Variants in ALG9 observed in about 807,000 individuals in gnomAD.
ALG9 encodes ALG9 alpha-1,2-mannosyltransferase, also known as alpha-1,2-mannosyltransferase ALG9.
Under a neutral mutation model 81.8 loss-of-function variants are expected in ALG9, and 55 were observed. The observed-to-expected ratio is 0.67, with a 90% CI of 0.54 to 0.84. The LOEUF (loss-of-function observed/expected upper bound fraction) is 0.84, where lower values mean the gene tolerates loss of function less well. Among genes scored for constraint, ALG9 ranks in the 40% least tolerant of loss-of-function variants. The probability of loss-of-function intolerance (pLI) is 0.00; values close to 1 mark genes in which losing one functional copy is unlikely to be tolerated. For missense variants in ALG9, 629 were observed against 745.0 expected (o/e 0.84, Z 1.81); for synonymous variants, 278 against 274.3 (o/e 1.01, Z -0.13).
intron 5 of ALG9, among the ~76,000 whole-genome samples, chr11:111,858,421 G>T (rs1959056187): frequency 1.3e-5 from 2 of 152,178 alleles, no homozygotes; most frequent in Admixed American, 6.5e-5. Flanking sequence ...ATTTACTTCT[G>T]AAGAAGCTTA....
At chr11:111,818,208 GGAAGAAGCA>G (rs1951809999) in intron 13 of ALG9, among the ~76,000 whole-genome samples, 1 of 152,192 alleles carries the variant, frequency 6.6e-6, no homozygotes, top group Non-Finnish European at 1.5e-5. Context: ...TAATGAGGTG[GGAAGAAGCA>G]TGGGGTACTC....
At chr11:111,826,887 CTT>C (rs548067906) in intron 13 of ALG9, among the ~76,000 whole-genome samples, 462 of 152,176 alleles carry the variant, frequency 3.0e-3, no homozygotes, top group African/African-American at 0.011. Flanking sequence ...TTTTCTATCT[CTT>C]TGTTTTTGAT....
downstream of ALG9, among the ~76,000 whole-genome samples, chr11:111,780,879 C>CAT (rs542286562): frequency 6.6e-6 from 1 of 152,164 alleles, no homozygotes. Flanking sequence ...CTTTGCCCCT[C>CAT]ATATGCCAAC....
chr11:111,786,636 T>C, intron 14 of ALG9, 116 bp from the exon 15 acceptor site: 1 of 1,233,610 alleles, frequency 8.1e-7, no homozygotes, highest in South Asian at 1.3e-5. Flanking sequence ...TTTATTCAAG[T>C]GGCACAGAAA....
chr11:111,771,269 T>C, the ALG9 span: 1 of 152,232 alleles, frequency 6.6e-6, no homozygotes, highest in African/African-American at 2.4e-5. Flanking sequence ...CTGTCTCTAC[T>C]AAAAATGCAA....
At chr11:111,822,303 A>T (rs1472476840) in intron 13 of ALG9, among the ~76,000 whole-genome samples, 2 of 148,060 alleles carry the variant, frequency 1.4e-5, no homozygotes, top group African/African-American at 2.5e-5. Context: ...CAGCTACTCG[A>T]GAGGCTGAGG....
At chr11:111,851,010 C>A (rs1957719125) in intron 8 of ALG9, among the ~76,000 whole-genome samples, 1 of 152,172 alleles carries the variant, frequency 6.6e-6, no homozygotes, top group Non-Finnish European at 1.5e-5. Flanking sequence ...TAAACGCTGA[C>A]TGAAATGAAC....
chr11:111,772,422 G>T, the ALG9 span, among the ~76,000 whole-genome samples: 2 of 152,096 alleles, frequency 1.3e-5, no homozygotes, highest in African/African-American at 2.4e-5. Context: ...CAAGAAAAAA[G>T]AAAAAGAAAG....
At chr11:111,862,682 A>G (rs188592349) in intron 4 of ALG9, among the ~76,000 whole-genome samples, 128 of 150,492 alleles carry the variant, frequency 8.5e-4, no homozygotes, top group African/African-American at 3.0e-3. Flanking sequence ...ACTGAGTCTT[A>G]AATATAAATA....
At chr11:111,807,100 A>T (rs1213667350) in intron 14 of ALG9, among the ~76,000 whole-genome samples, 1 of 152,108 alleles carries the variant, frequency 6.6e-6, no homozygotes, top group Admixed American at 6.6e-5. Flanking sequence ...CCCTGCTTCT[A>T]TTCTTACTTA....
chr11:111,805,362 A>C (rs1565709973), intron 14 of ALG9: 1 of 455,286 alleles, frequency 2.2e-6, no homozygotes, highest in Non-Finnish European at 4.4e-6. Flanking sequence ...GTTTATGGTC[A>C]TTTGTTATAG....
rs199610737 is a variant in ALG9, at chr11:111,806,666, T to TA, written c.1733+2976dup. On this transcript the variant is annotated intron_variant, in intron 14 of 14. Coordinates refer to ENST00000616540, the MANE Select transcript of ALG9 (RefSeq NM_024740.2). The stretch of plus-strand genomic sequence containing the variant: ...GTGATCTCATCCAGTCTCATGTTTT[T>TA]AAAAAATATCATCTAAATGCCAATA... 1.0e-3 allele frequency among the ~76,000 whole-genome samples: 154 copies of TA among 152,260 alleles called. 4 individuals are homozygous for TA. The East Asian group carries it at 0.028, about 27-fold the overall frequency.
At chr11:111,839,243 C>T (rs1282709171) in intron 10 of ALG9, among the ~76,000 whole-genome samples, 1 of 151,962 alleles carries the variant, frequency 6.6e-6, no homozygotes, top group Non-Finnish European at 1.5e-5. Flanking sequence ...GAACATTCTA[C>T]AGCTACTAAA....
intron 9 of ALG9, among the ~76,000 whole-genome samples, chr11:111,841,513 G>A (rs1236449163): frequency 6.6e-6 from 1 of 152,210 alleles, no homozygotes; most frequent in Non-Finnish European, 1.5e-5. Flanking sequence ...CCAAGAACCT[G>A]CTGGAAAGTT....
At chr11:111,822,252 T>G (rs1555104602) in intron 13 of ALG9, among the ~76,000 whole-genome samples, 4 of 141,844 alleles carry the variant, frequency 2.8e-5, no homozygotes. Context: ...CTACAAAAAA[T>G]ACAAAAATTA....
In ALG9 at chr11:111,837,523, C is replaced by T. The variant is rs782230218; in HGVS notation, c.1417G>A (p.Val473Ile). The T allele has an allele frequency of 1.2e-6, 2 of 1,614,026 alleles. No homozygotes were observed. Among genetic ancestry groups the T allele is most frequent in the African/African-American group, 2.7e-5 (2 of 74,932 alleles). Residue 473 changes from valine (V) to isoleucine (I), a missense_variant, in exon 12 of 15, where the codon GTC (valine) becomes ATC (isoleucine). Val to Ile is a conservative substitution (Grantham distance 29, BLOSUM62 3). This residue lies in a region of ALG9 where 264 missense variants were observed against 302.2 expected (regional missense o/e 0.87). Coordinates refer to ENST00000616540, the MANE Select transcript of ALG9 (RefSeq NM_024740.2). ...CGATACCACTCTTTTCCCACACAGA[C>T]ATTCACAGGTCTGCCTTCTGGGACA... Reference protein sequence around the residue: ...HTVPEGRPVNVCVGKEWYRFP... With the variant: ...HTVPEGRPVNICVGKEWYRFP...
At chr11:111,805,388 C>T (rs1464661289) in intron 14 of ALG9, 15 of 448,878 alleles carry the variant, frequency 3.3e-5, no homozygotes, top group African/African-American at 2.8e-4. Context: ...TGAACTAAGA[C>T]CAATGTCAAA....
At chr11:111,782,113 A>T (rs1945983208), downstream of ALG9, 1 of 152,232 alleles carries the variant, frequency 6.6e-6, no homozygotes, top group South Asian at 2.1e-4. Context: ...GTCAGGGAGA[A>T]AGGACTTGAG....
chr11:111,798,188 G>A, intron 14 of ALG9: 2 of 320,996 alleles, frequency 6.2e-6, no homozygotes, highest in Non-Finnish European at 1.2e-5. Context: ...GGGCAACAGA[G>A]CGAGACCCTG....
Sources: gnomAD v4.1 joint callset for allele counts (sites outside exome capture counted in the v4.1 genomes callset) on GRCh38, gnomAD v4.1.1 for gene constraint, gnomAD v4.1.1 regional missense constraint, MANE v1.5 for transcripts, NCBI Gene and HGNC (gene_info 2026-07-23, HGNC 2026-07-21) for gene names.